The following MARCHF1 variants were observed in gnomAD, a reference collection of about 807,000 sequenced individuals.
The protein encoded by MARCHF1 is membrane associated ring-CH-type finger 1.
MARCHF1 carries 40 observed loss-of-function variants against 54.2 expected under a neutral mutation model. That is an observed-to-expected ratio of 0.74 (90% CI 0.57 to 0.96). The LOEUF (loss-of-function observed/expected upper bound fraction) is 0.96. Among genes scored for constraint, MARCHF1 ranks in the 40% least tolerant of loss-of-function variants. The pLI, the probability that MARCHF1 is intolerant of heterozygous loss-of-function variation, is 0.00. For missense variants in MARCHF1, 586 were observed against 656.5 expected, an observed-to-expected ratio of 0.89 and a Z score of 1.17; for synonymous variants, 236 against 236.3, an observed-to-expected ratio of 1.00 and a Z score of 0.01.
chr4:163,665,621 T>C lies in MARCHF1; in HGVS notation c.162+35192A>G, dbSNP rs1210238665. Among the ~76,000 whole-genome samples, 4 of 152,126 alleles carry C rather than the reference T, an allele frequency of 2.6e-5. No individual in the cohort carries two copies. The South Asian group carries it at 6.2e-4, about 24-fold the overall frequency. On this transcript the variant is annotated intron_variant, in intron 5 of 9. Transcript: ENST00000514618. ...TTAAGAAAATAAAAACCTGTTAAGG[T>C]CAACTGTGAACTAGTCCCCTTTATT...
chr4:164,148,419 C>T (rs957342433), intron 1 of MARCHF1, among the ~76,000 whole-genome samples: 1 of 152,106 alleles, frequency 6.6e-6, no homozygotes, highest in African/African-American at 2.4e-5. Flanking sequence ...CAGCCATGTT[C>T]TCTTAATTTT....
At chr4:163,590,781 A>C (rs1740564587) in intron 7 of MARCHF1, among the ~76,000 whole-genome samples, 1 of 152,086 alleles carries the variant, frequency 6.6e-6, no homozygotes, top group Non-Finnish European at 1.5e-5. Context: ...CTTAGAGGGC[A>C]GTTTTGAGGT....
At chr4:164,170,435 TATCA>T (rs1030839356) in intron 1 of MARCHF1, among the ~76,000 whole-genome samples, 16 of 152,176 alleles carry the variant, frequency 1.1e-4, no homozygotes, top group African/African-American at 3.8e-4. Context: ...TCAATAATAT[TATCA>T]ATAAGTGTTT....
At chr4:163,849,919 C>T (rs530494010) in intron 4 of MARCHF1, among the ~76,000 whole-genome samples, 28 of 152,238 alleles carry the variant, frequency 1.8e-4, no homozygotes, top group East Asian at 7.7e-4. Context: ...TATTACCTCT[C>T]GGCCCTAAAC....
At chr4:163,960,693 T>C (rs770479223) in intron 3 of MARCHF1, among the ~76,000 whole-genome samples, 10 of 151,414 alleles carry the variant, frequency 6.6e-5, no homozygotes, top group Non-Finnish European at 1.5e-4. Context: ...GTGGGAAAAA[T>C]AGCTATTGAG....
At chr4:164,364,873 T>A (rs891221323) in intron 1 of MARCHF1, among the ~76,000 whole-genome samples, 1 of 151,990 alleles carries the variant, frequency 6.6e-6, no homozygotes, top group Admixed American at 6.6e-5. Context: ...GATTATCTGA[T>A]CTATTCATCT....
chr4:164,272,015 A>G (rs1733756574), intron 1 of MARCHF1, among the ~76,000 whole-genome samples: 1 of 151,946 alleles, frequency 6.6e-6, no homozygotes, highest in South Asian at 2.1e-4. Context: ...ATGACTCATA[A>G]TTATATGAAA....
rs1193721583 is a variant in MARCHF1, at chr4:164,068,504, C to T, written c.-248+43084G>A. The stretch of plus-strand genomic sequence containing the variant: ...CCACAATTCGGAGCGGCCGGCCAGC[C>T]CCGCCGGCCCCGAGCAGTGAGGGGC... On this transcript the variant is annotated intron_variant, in intron 2 of 9. Coordinates refer to ENST00000514618, the MANE Select transcript of MARCHF1 (RefSeq NM_001394959.1). Among the ~76,000 whole-genome samples, 3 of 152,276 alleles carry T rather than the reference C, an allele frequency of 2.0e-5. No homozygotes were observed. In the East Asian group the frequency reaches 5.8e-4, roughly 30 times the overall value.
At chr4:163,930,003 T>TA (rs1386393136) in intron 3 of MARCHF1, among the ~76,000 whole-genome samples, 2 of 132,990 alleles carry the variant, frequency 1.5e-5, no homozygotes, top group East Asian at 4.0e-4. Flanking sequence ...ATATATTATA[T>TA]ATAAATATAT....
chr4:164,139,801 T>A lies in MARCHF1; in HGVS notation c.-322-28139A>T, dbSNP rs557527825. ...TAAAACATGTATATTTAATGGCTAT[T>A]ATAAATGCTAAAAATAATGTTTAAT... On this transcript the variant is annotated intron_variant, in intron 1 of 9. Transcript: ENST00000514618. 3.9e-5 allele frequency among the ~76,000 whole-genome samples: 6 copies of A among 152,318 alleles called. No homozygotes were observed. In the South Asian group the frequency reaches 6.2e-4, roughly 16 times the overall value.
chr4:164,038,628 A>C (rs561744187), intron 2 of MARCHF1, among the ~76,000 whole-genome samples: 22 of 152,268 alleles, frequency 1.4e-4, no homozygotes, highest in Admixed American at 1.2e-3. Context: ...TTTTTCTTCC[A>C]AGATCAATAG....
intron 4 of MARCHF1, among the ~76,000 whole-genome samples, chr4:163,779,470 GA>G (rs151012863): frequency 0.092 from 14,050 of 151,970 alleles, 1,357 homozygotes; most frequent in East Asian, 0.28. Flanking sequence ...AAATTTTGTA[GA>G]AAAAAAGTTA....
At chr4:163,632,815 C>A (rs950012749) in intron 5 of MARCHF1, among the ~76,000 whole-genome samples, 10 of 152,244 alleles carry the variant, frequency 6.6e-5, no homozygotes, top group African/African-American at 2.4e-4. Flanking sequence ...AACAAAAAGA[C>A]AGCAGTAACC....
intron 5 of MARCHF1, among the ~76,000 whole-genome samples, chr4:163,692,930 C>T (rs1178408604): frequency 6.6e-6 from 1 of 151,240 alleles, no homozygotes; most frequent in Non-Finnish European, 1.5e-5. Flanking sequence ...GCTATTAATC[C>T]ACGAATGTGT....
At chr4:164,239,526 T>C (rs1185246655) in intron 1 of MARCHF1, among the ~76,000 whole-genome samples, 2 of 152,166 alleles carry the variant, frequency 1.3e-5, no homozygotes, top group East Asian at 3.8e-4. Context: ...CAGATAGTCC[T>C]TGACAACTTT....
chr4:164,005,631 C>G (rs995278473), intron 2 of MARCHF1, among the ~76,000 whole-genome samples: 2 of 152,086 alleles, frequency 1.3e-5, no homozygotes, highest in African/African-American at 4.8e-5. Context: ...CCTGCCTTAC[C>G]TCATGGGAAA....
chr4:164,265,418 T>C (rs188489619), intron 1 of MARCHF1, among the ~76,000 whole-genome samples: 2 of 151,414 alleles, frequency 1.3e-5, no homozygotes, highest in South Asian at 2.1e-4. Context: ...GTTTGGAATA[T>C]ATGCTTCATT....
chr4:163,647,465 C>A lies in MARCHF1; in HGVS notation c.163-34072G>T, dbSNP rs140842253. 9.4e-3 allele frequency among the ~76,000 whole-genome samples: 1,430 copies of A among 152,034 alleles called. 16 individuals carry two copies. The highest frequency in any genetic ancestry group is 0.032 in the African/African-American group (1,339 of 41,518). On this transcript the variant is annotated intron_variant, in intron 5 of 9. Transcript: ENST00000514618. The stretch of plus-strand genomic sequence containing the variant: ...TCTAGCAGCATGAGAATATGTATTT[C>A]TTTTCAAGCACACACCAAATAATCT...
At position 163,808,362 on chromosome 4, in the gene MARCHF1, G is replaced by A. The variant is rs187238512; in HGVS notation, c.111+45659C>T. ...ACTGACCTAGTTTGGTGAAAGTTCT[G>A]CAGCCTGAATTTGATATGCCACTGC... On this transcript the variant is annotated intron_variant, in intron 4 of 9. Transcript: ENST00000514618. 3.9e-5 allele frequency among the ~76,000 whole-genome samples: 6 copies of A among 152,292 alleles called. No homozygotes were observed. The East Asian group carries it at 1.2e-3, about 29-fold the overall frequency.
Sources: allele counts gnomAD v4.1 joint callset (sites outside exome capture counted in the v4.1 genomes callset), GRCh38; gene constraint gnomAD v4.1.1; transcripts MANE v1.5; gene names NCBI Gene and HGNC (gene_info 2026-07-23, HGNC 2026-07-21).